TMEM135: variants seen among roughly 807,000 people sequenced by gnomAD.
The protein encoded by TMEM135 is peroxisomal membrane protein 52.
TMEM135 carries 30 observed loss-of-function variants against 60.3 expected under a neutral mutation model. The ratio of observed to expected loss-of-function variants is 0.50; its 90% confidence interval spans 0.37 to 0.68. The LOEUF is 0.68. Among genes scored for constraint, TMEM135 ranks in the 30% least tolerant of loss-of-function variants. The pLI is 0.00. For missense variants in TMEM135, 468 were observed against 548.8 expected, an observed-to-expected ratio of 0.85 and a Z score of 1.47; for synonymous variants, 190 against 186.7, an observed-to-expected ratio of 1.02 and a Z score of -0.14.
At chr11:87,218,011 A>T (rs1761135321) in intron 5 of TMEM135, among the ~76,000 whole-genome samples, 1 of 152,080 alleles carries the variant, frequency 6.6e-6, no homozygotes, top group African/African-American at 2.4e-5. Flanking sequence ...TAGGGCAGTA[A>T]TTCCAACTGG....
At chr11:87,277,983 C>A (rs2135417556) in intron 6 of TMEM135, among the ~76,000 whole-genome samples, 1 of 152,296 alleles carries the variant, frequency 6.6e-6, no homozygotes, top group East Asian at 1.9e-4. Flanking sequence ...TAATGCATAG[C>A]TATGATTATG....
intron 5 of TMEM135, among the ~76,000 whole-genome samples, chr11:87,168,814 A>G (rs531297312): frequency 2.6e-5 from 4 of 152,282 alleles, no homozygotes; most frequent in East Asian, 1.9e-4. Flanking sequence ...GTAGATGTCT[A>G]TTAAGTCACT....
At chr11:87,287,861 T>G (rs940267394) in intron 6 of TMEM135, among the ~76,000 whole-genome samples, 1 of 152,190 alleles carries the variant, frequency 6.6e-6, no homozygotes, top group Non-Finnish European at 1.5e-5. Context: ...ATTAGTAAAG[T>G]TGACTAGTTT....
chr11:87,320,618 T>C (rs1942803980), intron 14 of TMEM135, among the ~76,000 whole-genome samples: 3 of 152,180 alleles, frequency 2.0e-5, no homozygotes, highest in Admixed American at 6.5e-5. Context: ...GTTTAAAAAA[T>C]GTTATATATC....
chr11:87,177,363 T>C (rs1939400486), intron 5 of TMEM135, among the ~76,000 whole-genome samples: 1 of 152,170 alleles, frequency 6.6e-6, no homozygotes, highest in Non-Finnish European at 1.5e-5. Context: ...TCACTGACTG[T>C]TGCATTTAAT....
intron 5 of TMEM135, among the ~76,000 whole-genome samples, chr11:87,183,851 G>C (rs1939583262): frequency 6.6e-6 from 1 of 151,230 alleles, no homozygotes; most frequent in Admixed American, 6.6e-5. Context: ...AGCTAGTTGG[G>C]AGGCTGAGGC....
At chr11:87,307,688 T>A (rs572042859) in intron 9 of TMEM135, among the ~76,000 whole-genome samples, 1 of 152,358 alleles carries the variant, frequency 6.6e-6, no homozygotes, top group East Asian at 1.9e-4. Flanking sequence ...TATCCATGAA[T>A]GTAAAACTAT....
Position 87,323,118 on chromosome 11 carries a change from G to T in TMEM135, c.*1785G>T. On this transcript the variant is annotated 3_prime_UTR_variant, in exon 15 of 15. Coordinates refer to ENST00000305494, the MANE Select transcript of TMEM135 (RefSeq NM_022918.4). ...TAATTCATAAATTATTGTTTTCATT[G>T]ACATTAAAAGACTGTGATATTGAAA... 4.4e-6 allele frequency: 2 copies of T among 453,328 alleles called. No homozygotes were observed. Among genetic ancestry groups the T allele is most frequent in the Non-Finnish European group, 8.8e-6 (2 of 226,542 alleles). 28.1% of individuals were successfully genotyped at this position (453,328 alleles called of 1,614,324 possible). A position where few individuals can be genotyped will look rare whatever the true frequency, so the allele number is the denominator to read the frequency against.
At chr11:87,243,798 AG>A (rs200736373) in intron 6 of TMEM135, among the ~76,000 whole-genome samples, 1,636 of 80,620 alleles carry the variant, frequency 0.02, 94 homozygotes, top group African/African-American at 0.051. Flanking sequence ...ATCTCAAAAC[AG>A]GGACAATTTG....
chr11:87,138,191 A>G (rs772622301), intron 4 of TMEM135, among the ~76,000 whole-genome samples: 4 of 150,628 alleles, frequency 2.7e-5, no homozygotes, highest in Non-Finnish European at 4.4e-5. Context: ...CCTGGGTTCA[A>G]GTGATTCTCC....
intron 6 of TMEM135, among the ~76,000 whole-genome samples, chr11:87,265,308 C>T (rs190319004): frequency 6.6e-6 from 1 of 151,994 alleles, no homozygotes; most frequent in Non-Finnish European, 1.5e-5. Flanking sequence ...TTTTCTGGCC[C>T]ATTCATTAAG....
intron 12 of TMEM135, among the ~76,000 whole-genome samples, chr11:87,314,882 TA>T (rs1942700620): frequency 6.6e-6 from 1 of 151,732 alleles, no homozygotes; most frequent in South Asian, 2.1e-4. Flanking sequence ...ATTTCATCCT[TA>T]AAAAAATTTC....
chr11:87,141,890 A>G (rs892674965), intron 4 of TMEM135, among the ~76,000 whole-genome samples: 3 of 152,250 alleles, frequency 2.0e-5, no homozygotes, highest in African/African-American at 7.2e-5. Flanking sequence ...ATACAGCAGC[A>G]GTCTTTTATG....
rs541549441 is a variant in TMEM135 at position 87,247,454 on chromosome 11, A to G, written c.509+10770A>G. Among the ~76,000 whole-genome samples the G allele has an allele frequency of 5.6e-4, 85 of 152,250 alleles. 1 individual carries two copies. Among genetic ancestry groups the G allele is most frequent in the African/African-American group, 2.0e-3 (83 of 41,562 alleles). ...TTTTGTTTGTCTGTGCCATTCCCCC[A>G]GAGGTGGAGCCTACAGAGGCAGGCA... On this transcript the variant is annotated intron_variant, in intron 6 of 14. Coordinates refer to ENST00000305494, the MANE Select transcript of TMEM135 (RefSeq NM_022918.4).
At chr11:87,046,223 G>A (rs1411403259) in intron 1 of TMEM135, among the ~76,000 whole-genome samples, 1 of 152,128 alleles carries the variant, frequency 6.6e-6, no homozygotes, top group Non-Finnish European at 1.5e-5. Flanking sequence ...CTGGTCAAAT[G>A]CTGAAACCCC....
chr11:87,177,500 C>T (rs933337163), intron 5 of TMEM135, among the ~76,000 whole-genome samples: 9 of 151,978 alleles, frequency 5.9e-5, no homozygotes, highest in Non-Finnish European at 1.5e-5. Flanking sequence ...GTATAATAGC[C>T]ATAAGTTATA....
chr11:87,256,147 A>C (rs1467582551), intron 6 of TMEM135, among the ~76,000 whole-genome samples: 3 of 152,228 alleles, frequency 2.0e-5, no homozygotes, highest in Non-Finnish European at 4.4e-5. Context: ...TTATAAACTT[A>C]TTTGAATTTA....
chr11:87,125,409 CAT>C (rs1265485318), intron 4 of TMEM135, among the ~76,000 whole-genome samples: 4 of 152,088 alleles, frequency 2.6e-5, no homozygotes, highest in African/African-American at 4.8e-5. Context: ...GGAGAGATGA[CAT>C]TGAGTACACT....
At chr11:87,279,306 CTG>C (rs1206301333) in intron 6 of TMEM135, among the ~76,000 whole-genome samples, 3 of 151,926 alleles carry the variant, frequency 2.0e-5, no homozygotes, top group Non-Finnish European at 4.4e-5. Context: ...TTTTTTCTGT[CTG>C]TGGCTCACTG....
Sources: allele counts gnomAD v4.1 joint callset (sites outside exome capture counted in the v4.1 genomes callset), GRCh38; gene constraint gnomAD v4.1.1; transcripts MANE v1.5; gene names NCBI Gene and HGNC (gene_info 2026-07-23, HGNC 2026-07-21).